ENTREP2: variants seen among roughly 807,000 people sequenced by gnomAD.
ENTREP2 encodes the protein protein ENTREP2.
the ENTREP2 span, among the ~76,000 whole-genome samples, chr15:29,436,234 T>A: frequency 1.3e-5 from 2 of 152,174 alleles, no homozygotes; most frequent in African/African-American, 4.8e-5. Context: ...GTTTAATTCA[T>A]GTGTAACATA....
the ENTREP2 span, among the ~76,000 whole-genome samples, chr15:29,559,701 ACTCAGATCTTCTGTCTCCCT>A: frequency 6.6e-6 from 1 of 151,762 alleles, no homozygotes; most frequent in East Asian, 1.9e-4. Context: ...CCTACTACTG[ACTCAGATCTTCTGTCTCCCT>A]CTCAGGAGGA....
chr15:29,427,333 C>T, the ENTREP2 span, among the ~76,000 whole-genome samples: 16 of 152,228 alleles, frequency 1.1e-4, no homozygotes, highest in East Asian at 1.5e-3. Flanking sequence ...CCCCAACCCC[C>T]GGAGTCCAAC....
chr15:29,559,611 C>A, the ENTREP2 span, among the ~76,000 whole-genome samples: 2 of 152,096 alleles, frequency 1.3e-5, no homozygotes, highest in South Asian at 2.1e-4. Context: ...CCTTTCCGGG[C>A]TTCCAGAGGC....
At chr15:29,330,096 A>G in the ENTREP2 span, among the ~76,000 whole-genome samples, 1 of 152,114 alleles carries the variant, frequency 6.6e-6, no homozygotes, top group Admixed American at 6.5e-5. Context: ...TCAAGTCAAC[A>G]TCAACAGTGA....
the ENTREP2 span, among the ~76,000 whole-genome samples, chr15:29,418,529 A>C: frequency 6.6e-6 from 1 of 152,170 alleles, no homozygotes; most frequent in African/African-American, 2.4e-5. Flanking sequence ...TAGGGCAGCT[A>C]GGGGAATACA....
chr15:29,464,594 AT>A, the ENTREP2 span, among the ~76,000 whole-genome samples: 1 of 152,172 alleles, frequency 6.6e-6, no homozygotes, highest in Admixed American at 6.5e-5. Context: ...ATGCATCTTG[AT>A]TTCTCTTTTA....
the ENTREP2 span, among the ~76,000 whole-genome samples, chr15:29,603,731 C>T: frequency 2.6e-5 from 4 of 152,204 alleles, no homozygotes; most frequent in South Asian, 2.1e-4. Context: ...CTCCGCCGCC[C>T]GGGTTCAAGC....
At chr15:29,645,468 T>TC in the ENTREP2 span, among the ~76,000 whole-genome samples, 1 of 152,190 alleles carries the variant, frequency 6.6e-6, no homozygotes, top group Non-Finnish European at 1.5e-5. Context: ...CAATGATGCC[T>TC]CCCTGCAACC....
chr15:29,243,408 G>A, the ENTREP2 span, among the ~76,000 whole-genome samples: 15 of 152,124 alleles, frequency 9.9e-5, no homozygotes, highest in Non-Finnish European at 1.6e-4. Flanking sequence ...GCGATGATTA[G>A]GTTAAAGAGA....
chr15:29,255,048 T>C, the ENTREP2 span, among the ~76,000 whole-genome samples: 2 of 152,208 alleles, frequency 1.3e-5, no homozygotes, highest in Non-Finnish European at 2.9e-5. Context: ...ACCTGGGTCC[T>C]TTCAACACAA....
chr15:29,581,528 G>A, the ENTREP2 span, among the ~76,000 whole-genome samples: 1 of 152,096 alleles, frequency 6.6e-6, no homozygotes, highest in Non-Finnish European at 1.5e-5. Context: ...TCTGGGTACT[G>A]TGGCCCAGCA....
the ENTREP2 span, among the ~76,000 whole-genome samples, chr15:29,229,615 T>C: frequency 2.6e-5 from 4 of 152,126 alleles, no homozygotes; most frequent in African/African-American, 9.7e-5. Flanking sequence ...CTTTTGGGAG[T>C]TGGTATCATT....
the ENTREP2 span, chr15:29,374,455 G>A: frequency 4.6e-5 from 7 of 152,074 alleles, no homozygotes; most frequent in Non-Finnish European, 7.4e-5. Context: ...ACTTCATCAA[G>A]TATAGTCTAA....
the ENTREP2 span, among the ~76,000 whole-genome samples, chr15:29,127,978 G>A: frequency 6.6e-6 from 1 of 152,198 alleles, no homozygotes; most frequent in Non-Finnish European, 1.5e-5. Flanking sequence ...TCCCACGACT[G>A]CAAAGATGCT....
the ENTREP2 span, among the ~76,000 whole-genome samples, chr15:29,195,994 T>A: frequency 1.4e-4 from 22 of 152,302 alleles, no homozygotes; most frequent in South Asian, 8.3e-4. Context: ...ACTTTTTTTT[T>A]AAACATCAAA....
the ENTREP2 span, among the ~76,000 whole-genome samples, chr15:29,156,840 G>T: frequency 8.5e-5 from 13 of 152,262 alleles, 1 homozygote; most frequent in East Asian, 5.8e-4. Flanking sequence ...ACCTCAGCAG[G>T]CCAGGCGCAG....
chr15:29,312,019 A>C, the ENTREP2 span, among the ~76,000 whole-genome samples: 1 of 152,212 alleles, frequency 6.6e-6, no homozygotes, highest in Non-Finnish European at 1.5e-5. Context: ...GAAACAACAA[A>C]ACAGAAACTG....
the ENTREP2 span, among the ~76,000 whole-genome samples, chr15:29,574,958 T>G: frequency 1.3e-5 from 2 of 152,294 alleles, no homozygotes; most frequent in African/African-American, 4.8e-5. Context: ...CTTAAAAGTA[T>G]CAAAGATTAT....
At chr15:29,188,344 A>G in the ENTREP2 span, among the ~76,000 whole-genome samples, 2 of 152,208 alleles carry the variant, frequency 1.3e-5, 1 homozygote, top group African/African-American at 4.8e-5. Flanking sequence ...TGCTGCACCC[A>G]TCAACACATC....
Sources: allele counts gnomAD v4.1 joint callset (sites outside exome capture counted in the v4.1 genomes callset), GRCh38; gene constraint gnomAD v4.1.1; transcripts MANE v1.5; gene names NCBI Gene and HGNC (gene_info 2026-07-23, HGNC 2026-07-21).